Variants in HARBI1 observed in about 807,000 individuals in gnomAD.
HARBI1 encodes harbinger transposase derived 1.
HARBI1 carries 15 observed loss-of-function variants against 25.3 expected under a neutral mutation model. The ratio of observed to expected loss-of-function variants is 0.59; its 90% CI spans 0.40 to 0.91. The LOEUF is 0.91. HARBI1 is among the 40% of genes least tolerant of loss of function. The pLI is 0.00. For synonymous variants in HARBI1, 168 were observed against 160.5 expected, an observed-to-expected ratio of 1.05 and a Z score of -0.35; for missense variants, 396 against 445.8, an observed-to-expected ratio of 0.89 and a Z score of 1.01.
chr11:46,617,551 C>CT (rs2045687196), upstream of HARBI1: 5 of 273,748 alleles, frequency 1.8e-5, 1 homozygote, highest in Admixed American at 2.7e-4. Context: ...CCCCCCCCCC[C>CT]CGGCCATTAC....
intron 2 of HARBI1, among the ~76,000 whole-genome samples, chr11:46,605,034 G>A (rs966652258): frequency 6.6e-6 from 1 of 152,156 alleles, no homozygotes; most frequent in Non-Finnish European, 1.5e-5. Context: ...ACATCTGGCA[G>A]ATGAGATGTC....
intron 2 of HARBI1, among the ~76,000 whole-genome samples, chr11:46,613,490 T>TC (rs2135402492): frequency 6.7e-6 from 1 of 148,828 alleles, no homozygotes; most frequent in East Asian, 2.0e-4. Context: ...TTTTTTTTTT[T>TC]TTTTTTTTTT....
intron 2 of HARBI1, among the ~76,000 whole-genome samples, chr11:46,614,632 G>A (rs1288202034): frequency 3.3e-5 from 5 of 152,012 alleles, no homozygotes; most frequent in Non-Finnish European, 5.9e-5. Flanking sequence ...TTGGAGACAG[G>A]GTCTTGCTAT....
At chr11:46,615,512 C>T in intron 2 of HARBI1, 56 bp downstream of exon 2, 1 of 1,486,456 alleles carries the variant, frequency 6.7e-7, no homozygotes, top group Non-Finnish European at 9.3e-7. Context: ...CGCCCCCAGC[C>T]TACATAACTT....
At chr11:46,609,595 G>A (rs375037842) in intron 2 of HARBI1, among the ~76,000 whole-genome samples, 4 of 58,466 alleles carry the variant, frequency 6.8e-5, no homozygotes, top group African/African-American at 5.1e-4. Flanking sequence ...ATCCACAGAC[G>A]TGAGCCACCA....
chr11:46,605,754 A>G (rs1430632487), intron 2 of HARBI1, among the ~76,000 whole-genome samples: 1 of 147,116 alleles, frequency 6.8e-6, no homozygotes, highest in Non-Finnish European at 1.5e-5. Flanking sequence ...CGCCCGGCTA[A>G]TTTTTTGTGT....
In HARBI1 at chr11:46,615,584, T is replaced by C. The variant is rs376539269; in HGVS notation, c.654A>G (p.Lys218=). The change falls in exon 2 of 3, where the codon AAA becomes AAG. Residue 218 remains lysine (K), a synonymous_variant. Coordinates refer to ENST00000326737, the MANE Select transcript of HARBI1 (RefSeq NM_173811.4). ...CAAACTTACCCAGAAGCCAGCTATC[T>C]TTGTGCATACCCGCTTCAAACTGAC... is the stretch of plus-strand genomic sequence containing the variant. The part of the protein sequence containing the change: ...LSSQFEAGMH[K]DSWLLGDSSF... The C allele has an allele frequency of 9.7e-5, 157 of 1,612,872 alleles. No individual in the cohort carries two copies. The highest frequency in any genetic ancestry group is 1.7e-5 in the Admixed American group (1 of 59,856).
At chr11:46,604,059 T>C in intron 2 of HARBI1, 150 bp from the exon 3 acceptor site, 1 of 1,405,754 alleles carries the variant, frequency 7.1e-7, no homozygotes, top group Non-Finnish European at 9.2e-7. Context: ...GAAAATGCTA[T>C]GGTAAAAAGA....
At chr11:46,613,390 T>A (rs2045257512) in intron 2 of HARBI1, among the ~76,000 whole-genome samples, 1 of 151,988 alleles carries the variant, frequency 6.6e-6, no homozygotes, top group Admixed American at 6.6e-5. Flanking sequence ...ATTTTACAGA[T>A]GATTAGCAGA....
At chr11:46,604,468 T>TAAAACCAAATA in intron 2 of HARBI1, 3 of 959,934 alleles carry the variant, frequency 3.1e-6, no homozygotes, top group Non-Finnish European at 3.7e-6. Context: ...AAAGGCTTAA[T>TAAAACCAAATA]AAAACCAAAT....
intron 2 of HARBI1, among the ~76,000 whole-genome samples, chr11:46,612,914 C>T (rs1055599042): frequency 1.3e-5 from 2 of 150,874 alleles, no homozygotes; most frequent in South Asian, 2.1e-4. Flanking sequence ...TCAGGTGATC[C>T]GCTTGCCTTG....
chr11:46,615,371 G>GC (rs2045339301), intron 2 of HARBI1, among the ~76,000 whole-genome samples, 197 bp downstream of exon 2: 1 of 151,690 alleles, frequency 6.6e-6, no homozygotes, highest in African/African-American at 2.4e-5. Context: ...ACAGGCGCCT[G>GC]CCACCATGCC....
intron 2 of HARBI1, among the ~76,000 whole-genome samples, chr11:46,614,379 G>A (rs1320735871): frequency 6.6e-6 from 1 of 151,864 alleles, no homozygotes; most frequent in Non-Finnish European, 1.5e-5. Flanking sequence ...AGCCAAGATC[G>A]CACCATTGCA....
rs367552499 is a variant in HARBI1 at position 46,615,819 on chromosome 11, C to G, written c.419G>C (p.Gly140Ala). 3.7e-6 allele frequency: 6 copies of G among 1,614,218 alleles called. No homozygotes were observed. The African/African-American group carries it at 8.0e-5, about 22-fold the overall frequency. ...AACCACCCCCATCACCCCTGGCATC[C>G]CTGCCAACCCATAGAATTCATCCTT... ...ALKDEFYGLA[G>A]MPGVMGVVDC... The change falls in exon 2 of 3, where the codon GGG (glycine) becomes GCG (alanine). Residue 140 changes from glycine (G) to alanine (A), a missense_variant. Gly to Ala is a moderately conservative substitution (Grantham distance 60). Coordinates refer to ENST00000326737, the MANE Select transcript of HARBI1 (RefSeq NM_173811.4).
rs1400179203 is a variant in HARBI1 at position 46,613,184 on chromosome 11, C to T, written c.670+2384G>A. Among the ~76,000 whole-genome samples, 4 of 150,830 alleles carry T rather than the reference C, an allele frequency of 2.7e-5. No individual in the cohort carries two copies. In the South Asian group the frequency reaches 8.4e-4, roughly 32 times the overall value. ...TAGTAGAGAAGGGGTTTGACCATGT[C>T]GGCCAGGCTGGTTTTGAACTCCAAC... On this transcript the variant is annotated intron_variant, in intron 2 of 2. Coordinates refer to ENST00000326737, the MANE Select transcript of HARBI1 (RefSeq NM_173811.4).
chr11:46,615,909 G>C lies in HARBI1; in HGVS notation c.329C>G (p.Ala110Gly). The C allele has an allele frequency of 1.2e-6, 2 of 1,614,178 alleles. No homozygotes were observed. Among genetic ancestry groups the C allele is most frequent in the Admixed American group, 3.3e-5 (2 of 60,014 alleles). ...GAACTGTGAGGCCCTTTCCACAAGT[G>C]CTTCAGTGACATTGGCAACACAACG... is the stretch of plus-strand genomic sequence containing the variant. ...MSRCVANVTE[A>G]LVERASQFIR... The change falls in exon 2 of 3, where the codon GCA becomes GGA. Residue 110 changes from alanine (A) to glycine (G), a missense_variant. Physicochemically the swap from Ala to Gly is moderately conservative, Grantham distance 60. Transcript: ENST00000326737.
At chr11:46,610,904 G>A (rs1038926472) in intron 2 of HARBI1, among the ~76,000 whole-genome samples, 2 of 151,484 alleles carry the variant, frequency 1.3e-5, no homozygotes, top group Admixed American at 6.6e-5. Context: ...AAAGTAATTC[G>A]TCCTATGATC....
chr11:46,616,434 A>G (rs2135422202), intron 1 of HARBI1, 53 bp from the exon 2 acceptor site: 1 of 1,394,808 alleles, frequency 7.2e-7, no homozygotes, highest in Admixed American at 3.3e-5. Flanking sequence ...CTTTAAAGTG[A>G]CTCAAAGGCT....
rs756640162 is a variant in HARBI1 at position 46,615,849 on chromosome 11, G to A, written c.389C>T (p.Ala130Val). 6.2e-7 allele frequency: 1 copy of A among 1,614,216 alleles called. No homozygotes were observed. The highest frequency in any genetic ancestry group is 8.5e-7 in the Non-Finnish European group (1 of 1,180,050). Reference protein sequence around the residue: ...RFPADEASIQALKDEFYGLAG... With the variant: ...RFPADEASIQVLKDEFYGLAG... ...CAACCCATAGAATTCATCCTTCAGA[G>A]CCTGAATGGAGGCTTCATCAGCTGG... is the stretch of plus-strand genomic sequence containing the variant. Residue 130 changes from alanine (A) to valine (V), a missense_variant, in exon 2 of 3, where the codon GCT (alanine) becomes GTT (valine). Coordinates refer to ENST00000326737, the MANE Select transcript of HARBI1 (RefSeq NM_173811.4).
Sources: allele counts gnomAD v4.1 joint callset (sites outside exome capture counted in the v4.1 genomes callset), GRCh38; gene constraint gnomAD v4.1.1; transcripts MANE v1.5; gene names NCBI Gene and HGNC (gene_info 2026-07-23, HGNC 2026-07-21).